The following CAST variants were observed in gnomAD, a reference collection of about 807,000 sequenced individuals.
CAST encodes MIR583 host.
CAST carries 76 observed loss-of-function variants against 119.6 expected under a neutral mutation model. The ratio of observed to expected loss-of-function variants is 0.64; its 90% CI spans 0.53 to 0.77. The LOEUF is 0.77. CAST is among the 30% of genes least tolerant of loss of function. The pLI is 0.00. For missense variants in CAST, 953 were observed against 946.5 expected, an observed-to-expected ratio of 1.01 and a Z score of -0.09; for synonymous variants, 319 against 331.6, an observed-to-expected ratio of 0.96 and a Z score of 0.41.
the CAST span, among the ~76,000 whole-genome samples, chr5:96,339,308 C>A: frequency 4.7e-3 from 715 of 152,126 alleles, 9 homozygotes; most frequent in African/African-American, 0.016. Flanking sequence ...AAAATAGAAC[C>A]AAGTAGAAAA....
At chr5:96,104,401 T>C in the CAST span, among the ~76,000 whole-genome samples, 1 of 152,222 alleles carries the variant, frequency 6.6e-6, no homozygotes, top group Non-Finnish European at 1.5e-5. Context: ...CATCTTGAAT[T>C]GACTTTTGTA....
chr5:96,581,481 T>C (rs917754111), intron 1 of CAST, among the ~76,000 whole-genome samples: 6 of 152,204 alleles, frequency 3.9e-5, no homozygotes, highest in African/African-American at 1.4e-4. Flanking sequence ...TTTAAAAAAA[T>C]CTTAAGTGCA....
the CAST span, among the ~76,000 whole-genome samples, chr5:96,238,366 C>CCTT: frequency 4.3e-5 from 1 of 23,212 alleles, no homozygotes; most frequent in Non-Finnish European, 1.2e-4. Context: ...TTCTTCTTCT[C>CCTT]CTTCTTCTCC....
At chr5:96,126,186 G>A in the CAST span, among the ~76,000 whole-genome samples, 2 of 152,086 alleles carry the variant, frequency 1.3e-5, no homozygotes, top group Non-Finnish European at 2.9e-5. Context: ...TGCAAACTCA[G>A]CACAAAGTCT....
chr5:96,424,035 G>T, the CAST span, among the ~76,000 whole-genome samples: 6 of 152,144 alleles, frequency 3.9e-5, no homozygotes, highest in East Asian at 9.6e-4. Flanking sequence ...GAGATTCAGG[G>T]TTTTCCTTTT....
the CAST span, among the ~76,000 whole-genome samples, chr5:96,368,909 A>G: frequency 6.6e-6 from 1 of 152,064 alleles, no homozygotes; most frequent in African/African-American, 2.4e-5. Context: ...AGAAAGTGTT[A>G]CTCCATTTTG....
the CAST span, among the ~76,000 whole-genome samples, chr5:96,049,913 A>AAAAAAAAAAAAAAAAAAAAG: frequency 6.8e-6 from 1 of 148,028 alleles, no homozygotes; most frequent in East Asian, 2.0e-4. Context: ...AAAAAAAAAA[A>AAAAAAAAAAAAAAAAAAAAG]AAAAGAAAAA....
the CAST span, among the ~76,000 whole-genome samples, chr5:96,285,044 A>G: frequency 6.6e-6 from 1 of 152,212 alleles, no homozygotes; most frequent in Non-Finnish European, 1.5e-5. Context: ...TAGTTTTCTT[A>G]TCTGTGAAGA....
intron 4 of CAST, among the ~76,000 whole-genome samples, chr5:96,724,611 G>T (rs1240998435): frequency 6.6e-6 from 1 of 152,076 alleles, no homozygotes; most frequent in Non-Finnish European, 1.5e-5. Flanking sequence ...TGGGAGGATC[G>T]CTTGAGCCCA....
At chr5:96,198,871 T>A in the CAST span, among the ~76,000 whole-genome samples, 9 of 152,166 alleles carry the variant, frequency 5.9e-5, no homozygotes, top group Non-Finnish European at 1.2e-4. Context: ...TATTACATCA[T>A]GGTTTCCCCA....
At chr5:96,026,797 C>T in the CAST span, among the ~76,000 whole-genome samples, 9 of 152,170 alleles carry the variant, frequency 5.9e-5, no homozygotes, top group Non-Finnish European at 1.2e-4. Context: ...TCTTGCTTCT[C>T]TTCATATAAA....
chr5:96,067,266 C>T, the CAST span, among the ~76,000 whole-genome samples: 1 of 152,128 alleles, frequency 6.6e-6, no homozygotes, highest in Non-Finnish European at 1.5e-5. Context: ...TTTCCTTTTA[C>T]AATTTAATCT....
At chr5:96,767,061 A>T (rs575024517) in intron 27 of CAST, among the ~76,000 whole-genome samples, 2 of 152,368 alleles carry the variant, frequency 1.3e-5, no homozygotes, top group Admixed American at 1.3e-4. Context: ...TGAAGCTGGG[A>T]AAAATCCCTG....
the CAST span, among the ~76,000 whole-genome samples, chr5:96,416,849 C>A: frequency 1.3e-5 from 2 of 152,180 alleles, no homozygotes; most frequent in Non-Finnish European, 2.9e-5. Flanking sequence ...AAGAAAAATG[C>A]GTCTTCCAAA....
intron 1 of CAST, among the ~76,000 whole-genome samples, chr5:96,541,369 C>T (rs999130174): frequency 9.9e-5 from 15 of 151,986 alleles, no homozygotes; most frequent in African/African-American, 3.1e-4. Flanking sequence ...TTGTTTTTGA[C>T]ACTACAAGTT....
chr5:96,566,752 A>G (rs746653204), intron 1 of CAST, among the ~76,000 whole-genome samples: 24 of 152,228 alleles, frequency 1.6e-4, no homozygotes, highest in Non-Finnish European at 2.9e-4. Flanking sequence ...GACAAGAAAC[A>G]TATACAGAAA....
At chr5:96,558,771 C>G (rs1045155812) in intron 1 of CAST, among the ~76,000 whole-genome samples, 2 of 152,328 alleles carry the variant, frequency 1.3e-5, no homozygotes, top group Middle Eastern at 3.4e-3. Context: ...CGAATTCTAC[C>G]AGAGCTATGA....
At chr5:96,090,256 T>G in the CAST span, among the ~76,000 whole-genome samples, 113 of 152,338 alleles carry the variant, frequency 7.4e-4, no homozygotes, top group Middle Eastern at 6.8e-3. Context: ...TGAGAGCATG[T>G]CTTCCCCTTG....
intron 1 of CAST, among the ~76,000 whole-genome samples, chr5:96,654,105 C>A (rs1451930476): frequency 1.3e-5 from 2 of 151,084 alleles, no homozygotes; most frequent in Admixed American, 1.3e-4. Flanking sequence ...CTCACTGCAA[C>A]CTGCGCCTCC....
Sources: gnomAD v4.1 joint callset for allele counts (sites outside exome capture counted in the v4.1 genomes callset) on GRCh38, gnomAD v4.1.1 for gene constraint, MANE v1.5 for transcripts, NCBI Gene and HGNC (gene_info 2026-07-23, HGNC 2026-07-21) for gene names.